Variants in CERS1 observed in about 807,000 individuals in gnomAD.
CERS1 encodes the protein Embryonic growth/differentiation factor 1.
CERS1 carries 16 observed loss-of-function variants against 35.7 expected under a neutral mutation model. That is an observed-to-expected ratio of 0.45 (90% confidence interval 0.30 to 0.68). The LOEUF (loss-of-function observed/expected upper bound fraction) is 0.68, where lower values mean the gene tolerates loss of function less well. Ranked by LOEUF, CERS1 falls within the 30% of genes least tolerant of loss-of-function variation. CERS1 has a pLI of 0.08. For missense variants in CERS1, 454 were observed against 453.9 expected (o/e 1.00, Z 0.00); for synonymous variants, 243 against 201.6 (o/e 1.21, Z -1.74).
intron 6 of CERS1, among the ~76,000 whole-genome samples, chr19:18,873,101 G>C (rs1312637208): frequency 6.6e-6 from 1 of 152,166 alleles, no homozygotes; most frequent in African/African-American, 2.4e-5. Context: ...GAGGAGACAA[G>C]ACCCCCTGGG....
chr19:18,868,674 G>A lies in CERS1; in HGVS notation c.*1311C>T, dbSNP rs769364770. The A allele has an allele frequency of 1.4e-5, 22 of 1,572,768 alleles. No individual in the cohort carries two copies. Among genetic ancestry groups the A allele is most frequent in the East Asian group, 1.2e-4 (5 of 42,922 alleles). On this transcript the variant is annotated 3_prime_UTR_variant, in exon 8 of 8. Transcript: ENST00000623882. ...ACGTTGTCGCTGTTGTCAAAGAAGA[G>A]CACGGAGATGGGCGACAGGCGCGCG...
Position 18,895,800 on chromosome 19 carries a change from G to A in CERS1, c.249+24C>T, listed in dbSNP as rs1473463420. On this transcript the variant is annotated intron_variant, in intron 1 of 7. Transcript: ENST00000623882. The surrounding 1 kb of genome is among the most constrained non-coding windows in gnomAD (Gnocchi z 6.4). ...GCTTCCCCCAGTCCGGGGTCCCCTC[G>A]TCCCGGCCCCCGGCCACACTGACCC... The A allele has an allele frequency of 4.2e-6, 5 of 1,202,526 alleles. No homozygotes were observed. Among genetic ancestry groups the A allele is most frequent in the South Asian group, 2.3e-5 (1 of 42,554 alleles). 74.5% of individuals were successfully genotyped at this position (1,202,526 alleles called of 1,614,324 possible).
chr19:18,869,334 T>G lies in CERS1; in HGVS notation c.*651A>C, dbSNP rs761762230. ...ACAGCCGACAGGTCGAAGACGACTG[T>G]CCACTCAGGGCAATGCCCCGCGGCC... On this transcript the variant is annotated 3_prime_UTR_variant, in exon 8 of 8. Transcript: ENST00000623882. 3.7e-5 allele frequency: 57 copies of G among 1,528,812 alleles called. No homozygotes were observed. The East Asian group carries it at 1.4e-3, about 37-fold the overall frequency. The allele number at this position is 1,528,812 out of a possible 1,614,324, so 94.7% of individuals were successfully genotyped here.
At position 18,896,018 on chromosome 19, in the gene CERS1, A is replaced by G. The variant is rs1429783195; in HGVS notation, c.55T>C (p.Tyr19His). 4.0e-6 allele frequency: 4 copies of G among 1,007,164 alleles called. No individual in the cohort carries two copies. The highest frequency in any genetic ancestry group is 4.7e-6 in the Non-Finnish European group (4 of 845,304). 62.4% of individuals were successfully genotyped at this position (1,007,164 alleles called of 1,614,324 possible). The change falls in exon 1 of 8, where the codon TAC becomes CAC. Residue 19 changes from tyrosine (Y) to histidine (H), a missense_variant. Coordinates refer to ENST00000623882, the MANE Select transcript of CERS1 (RefSeq NM_021267.5). The surrounding 1 kb of genome is among the most constrained non-coding windows in gnomAD (Gnocchi z 5.9). ...GPTGPEPMPS[Y>H]AQLVQRGWGS... ...CAGCCGCGCTGCACTAGCTGCGCGT[A>G]GCTCGGCATGGGCTCGGGCCCCGTC...
intron 2 of CERS1, 45 bp downstream of exon 2, chr19:18,893,371 G>C (rs756927913): frequency 1.9e-6 from 3 of 1,551,560 alleles, no homozygotes; most frequent in South Asian, 2.4e-5. Context: ...TGGCGTCTTT[G>C]TGTTTTAAGC....
rs771037471 is a variant in CERS1 at position 18,879,033 on chromosome 19, C to G, written c.907G>C (p.Val303Leu). 1.2e-6 allele frequency: 2 copies of G among 1,613,402 alleles called. No homozygotes were observed. The highest frequency in any genetic ancestry group is 1.7e-6 in the Non-Finnish European group (2 of 1,179,824). Residue 303 changes from valine to leucine, a missense_variant, in exon 6 of 8, where the codon GTG becomes CTG. Transcript: ENST00000623882. ...LMNLYWFLYIVAFAAKVLTGQ... is the reference protein window; with the variant it reads ...LMNLYWFLYILAFAAKVLTGQ... ...GTCAACACCTTGGCTGCAAACGCCA[C>G]GATGTACTGCGAGAGGGGAGGGGAG...
intron 6 of CERS1, among the ~76,000 whole-genome samples, chr19:18,873,885 G>A (rs2056018223): frequency 6.6e-6 from 1 of 151,812 alleles, no homozygotes; most frequent in African/African-American, 2.4e-5. Flanking sequence ...ACTCTCTGGG[G>A]TTAGCACCAA....
At position 18,878,855 on chromosome 19, in the gene CERS1, G is replaced by A. The variant is rs2056116982; in HGVS notation, c.1010+75C>T. The A allele has an allele frequency of 1.3e-6, 2 of 1,562,392 alleles. No homozygotes were observed. The highest frequency in any genetic ancestry group is 1.9e-5 in the Admixed American group (1 of 53,550). ...GGCCTCATCTGCTGCTGGGTCTTGG[G>A]GGCCTGCCCACGAACACGCTTGGAC... On this transcript the variant is annotated intron_variant, in intron 6 of 7. Coordinates refer to ENST00000623882, the MANE Select transcript of CERS1 (RefSeq NM_021267.5). This position sits in a 1 kb window ranked among gnomAD's most constrained non-coding sequence, Gnocchi z 4.6.
chr19:18,870,055 CCCCTGGGGACGTCCGCCG>C lies in CERS1; in HGVS notation c.*504_*521del. ...TCCACGTGGCACGGTTGCAGGGTGACCCCTGGGGACGTCCGCCGCGAGCCAGACCTGGTCTCCTGGGGG... is the reference window on the plus strand; with the variant it reads ...TCCACGTGGCACGGTTGCAGGGTGACCGAGCCAGACCTGGTCTCCTGGGGG... On this transcript the variant is annotated 3_prime_UTR_variant, in exon 7 of 8. Transcript: ENST00000623882. The surrounding 1 kb of genome is among the most constrained non-coding windows in gnomAD (Gnocchi z 5.1). 6.3e-7 allele frequency: 1 copy of C among 1,589,660 alleles called. No homozygotes were observed. Among genetic ancestry groups the C allele is most frequent in the Non-Finnish European group, 8.5e-7 (1 of 1,172,172 alleles).
At chr19:18,893,073 CCGG>C (rs2056534094) in intron 2 of CERS1, among the ~76,000 whole-genome samples, 2 of 151,946 alleles carry the variant, frequency 1.3e-5, no homozygotes. Flanking sequence ...CCCACCACAC[CCGG>C]CTAATTTTTT....
intron 2 of CERS1, among the ~76,000 whole-genome samples, chr19:18,889,778 T>TGCCACCCCTGCCTTGTC (rs1367166844): frequency 6.6e-6 from 1 of 152,078 alleles, no homozygotes; most frequent in Non-Finnish European, 1.5e-5. Flanking sequence ...GGACACTCAA[T>TGCCACCCCTGCCTTGTC]GCCACCCCTG....
intron 6 of CERS1, among the ~76,000 whole-genome samples, chr19:18,873,483 C>G (rs192096964): frequency 6.6e-6 from 1 of 151,060 alleles, no homozygotes; most frequent in Admixed American, 6.6e-5. Context: ...GATCACCTGA[C>G]CCTAGGAGTT....
chr19:18,888,519 T>TAAAAAAA lies in CERS1; in HGVS notation c.410-4259_410-4253dup, dbSNP rs781426705. Among the ~76,000 whole-genome samples the TAAAAAAA allele has an allele frequency of 1.5e-4, 9 of 59,048 alleles. 1 individual carries two copies. Among genetic ancestry groups the TAAAAAAA allele is most frequent in the African/African-American group, 6.8e-4 (9 of 13,248 alleles). 38.7% of individuals were successfully genotyped at this position (59,048 alleles called of 152,430 possible). A position where few individuals can be genotyped will look rare whatever the true frequency, so the allele number is the denominator to read the frequency against. ...GGCGACAGAGTGAGACCCTGTCTCT[T>TAAAAAAA]AAAAAAAAAAAAAAAAAAAAAAAAA... On this transcript the variant is annotated intron_variant, in intron 2 of 7. Coordinates refer to ENST00000623882, the MANE Select transcript of CERS1 (RefSeq NM_021267.5).
At chr19:18,881,627 G>A (rs1039978762) in intron 3 of CERS1, 3 of 152,216 alleles carry the variant, frequency 2.0e-5, no homozygotes, top group African/African-American at 7.2e-5. Context: ...ACGTGGGGAA[G>A]TGTCTCTCAC....
intron 2 of CERS1, among the ~76,000 whole-genome samples, chr19:18,891,403 G>A (rs1475299921): frequency 2.0e-5 from 3 of 152,136 alleles, no homozygotes; most frequent in Non-Finnish European, 4.4e-5. Context: ...CTGCCCCATC[G>A]CAGATGGGGT....
At chr19:18,880,216 A>G (rs1367073339) in intron 4 of CERS1, 58 bp downstream of exon 4, 2 of 1,456,252 alleles carry the variant, frequency 1.4e-6, no homozygotes, top group East Asian at 2.6e-5. Context: ...CCTTTTCTGG[A>G]CACACCCACC....
At position 18,878,123 on chromosome 19, in the gene CERS1, C is replaced by T. The variant is rs1294635723; in HGVS notation, c.1010+807G>A. ...CCTGAAACCATCGTTCCCACGTCAC[C>T]GATGGCCCCCACCGGCCAAATCAGA... On this transcript the variant is annotated intron_variant, in intron 6 of 7. Coordinates refer to ENST00000623882, the MANE Select transcript of CERS1 (RefSeq NM_021267.5). This position sits in a 1 kb window ranked among gnomAD's most constrained non-coding sequence, Gnocchi z 4.6. 1.4e-5 allele frequency: 14 copies of T among 985,432 alleles called. No individual in the cohort carries two copies. Among genetic ancestry groups the T allele is most frequent in the Admixed American group, 6.2e-5 (1 of 16,258 alleles). The allele number at this position is 985,432 out of a possible 1,614,324, so 61.0% of individuals were successfully genotyped here.
chr19:18,879,901 G>A (rs183995697), intron 4 of CERS1, among the ~76,000 whole-genome samples: 1 of 145,832 alleles, frequency 6.9e-6, no homozygotes, highest in Admixed American at 7.0e-5. Context: ...CTCTTTCTCT[G>A]CCTAGCCCTA....
rs201766890 is a variant in CERS1, at chr19:18,893,595, C to T, written c.250-20G>A. On this transcript the variant is annotated intron_variant, in intron 1 of 7. Transcript: ENST00000623882. ...CAGGGGCTATGGGGGAGAAGACAGG[C>T]GGGCAGCCATTGGTGCTGGGGGCCA... 20 of 1,595,978 alleles carry T rather than the reference C, an allele frequency of 1.3e-5. No individual in the cohort carries two copies. The highest frequency in any genetic ancestry group is 9.4e-5 in the African/African-American group (7 of 74,776).
Sources: allele counts gnomAD v4.1 joint callset (sites outside exome capture counted in the v4.1 genomes callset), GRCh38; gene constraint gnomAD v4.1.1; non-coding constraint Gnocchi (gnomAD v3.1); transcripts MANE v1.5; gene names NCBI Gene and HGNC (gene_info 2026-07-23, HGNC 2026-07-21).